Variants in LRP1B observed in about 807,000 individuals in gnomAD.
LRP1B encodes low-density lipoprotein receptor-related protein 1B.
A neutral mutation model predicts 556.6 loss-of-function variants in LRP1B; 217 were observed. The ratio of observed to expected loss-of-function variants is 0.39; its 90% CI spans 0.35 to 0.44. The LOEUF (loss-of-function observed/expected upper bound fraction) is 0.44. Among genes scored for constraint, LRP1B ranks in the 20% least tolerant of loss-of-function variants. The probability of loss-of-function intolerance (pLI) is 1.00; values close to 1 mark genes in which losing one functional copy is unlikely to be tolerated. For synonymous variants in LRP1B, 2,047 were observed against 1,865.8 expected (o/e 1.10, Z -2.50); for missense variants, 5,053 against 5,620.8 (o/e 0.90, Z 3.23).
At chr2:141,082,467 C>G (rs960039853) in intron 7 of LRP1B, among the ~76,000 whole-genome samples, 1 of 152,210 alleles carries the variant, frequency 6.6e-6, no homozygotes, top group Non-Finnish European at 1.5e-5. Context: ...GAATACATGA[C>G]TCTCTGAGGA....
intron 43 of LRP1B, among the ~76,000 whole-genome samples, chr2:140,589,329 CAT>C (rs1682122317): frequency 6.6e-6 from 1 of 151,990 alleles, no homozygotes; most frequent in South Asian, 2.1e-4. Context: ...ATAAATAACT[CAT>C]AAACTGTAAG....
chr2:141,130,077 T>C (rs1331449746), intron 7 of LRP1B, among the ~76,000 whole-genome samples: 2 of 151,974 alleles, frequency 1.3e-5, no homozygotes, highest in Non-Finnish European at 2.9e-5. Flanking sequence ...AATGTTGGCA[T>C]GGGAGAGGTT....
intron 18 of LRP1B, among the ~76,000 whole-genome samples, chr2:140,966,015 A>G (rs1175237009): frequency 6.6e-6 from 1 of 152,116 alleles, no homozygotes; most frequent in African/African-American, 2.4e-5. Context: ...ACAATAAACT[A>G]TGTGTGCATG....
chr2:141,553,834 A>G (rs1376559874), intron 2 of LRP1B, among the ~76,000 whole-genome samples: 1 of 137,766 alleles, frequency 7.3e-6, no homozygotes, highest in African/African-American at 2.6e-5. Context: ...TAGGTATATA[A>G]TATATCTATA....
chr2:141,076,967 C>T (rs1008046330), intron 7 of LRP1B, among the ~76,000 whole-genome samples: 9 of 152,168 alleles, frequency 5.9e-5, no homozygotes, highest in African/African-American at 2.2e-4. Context: ...GTAGGCTAGG[C>T]TGGGTGTGGT....
intron 1 of LRP1B, among the ~76,000 whole-genome samples, chr2:142,120,967 T>G (rs77049275): frequency 0.043 from 6,566 of 152,260 alleles, 226 homozygotes; most frequent in Non-Finnish European, 0.058. Context: ...TAAAAGGCAC[T>G]GCAAAATGGA....
chr2:142,063,010 A>G (rs1704978902), intron 1 of LRP1B, among the ~76,000 whole-genome samples: 1 of 150,264 alleles, frequency 6.7e-6, no homozygotes. Flanking sequence ...TTCAATAAAT[A>G]TTAGAAAGTA....
At chr2:141,265,906 A>G (rs1047519703) in intron 3 of LRP1B, among the ~76,000 whole-genome samples, 4 of 152,202 alleles carry the variant, frequency 2.6e-5, no homozygotes, top group Non-Finnish European at 5.9e-5. Context: ...CTGAGAAGTG[A>G]CTATCCAGCC....
At chr2:141,023,262 C>A (rs765095664) in intron 11 of LRP1B, among the ~76,000 whole-genome samples, 1 of 151,840 alleles carries the variant, frequency 6.6e-6, no homozygotes, top group Non-Finnish European at 1.5e-5. Context: ...GTGCATTAAA[C>A]ACCCACACAC....
rs1016436313 is a variant in LRP1B, at chr2:140,485,631, G to T, written c.9244-107C>A. ...ATATAGAATTCCATTTAAATGTAAAGAATGGAACTTAGATAAGAAGAGAAT... is the reference window on the plus strand; with the variant it reads ...ATATAGAATTCCATTTAAATGTAAATAATGGAACTTAGATAAGAAGAGAAT... On this transcript the variant is annotated intron_variant, in intron 58 of 90. Transcript: ENST00000389484. 9.3e-6 allele frequency: 7 copies of T among 749,730 alleles called. No homozygotes were observed. In the East Asian group the frequency reaches 1.7e-4, roughly 18 times the overall value. 46.4% of individuals were successfully genotyped at this position (749,730 alleles called of 1,614,324 possible).
chr2:140,336,596 A>C (rs2105088806), intron 77 of LRP1B, among the ~76,000 whole-genome samples: 1 of 152,108 alleles, frequency 6.6e-6, no homozygotes, highest in African/African-American at 2.4e-5. Flanking sequence ...TTTGTTCTAC[A>C]ATTGAAAAAA....
chr2:141,771,946 G>T (rs1158551374), intron 2 of LRP1B, among the ~76,000 whole-genome samples: 1 of 152,086 alleles, frequency 6.6e-6, no homozygotes, highest in Admixed American at 6.6e-5. Flanking sequence ...AGCCTCCCGA[G>T]TAGCTGGGAT....
chr2:140,385,182 C>A (rs956465366), intron 67 of LRP1B, among the ~76,000 whole-genome samples: 2 of 152,020 alleles, frequency 1.3e-5, no homozygotes, highest in Admixed American at 1.3e-4. Context: ...GAGATCAAGG[C>A]GGCAGTGAGT....
chr2:140,813,937 G>A, intron 31 of LRP1B, 131 bp from the exon 32 acceptor site: 2 of 646,764 alleles, frequency 3.1e-6, no homozygotes, highest in Non-Finnish European at 5.3e-6. Flanking sequence ...ATAAGATCTG[G>A]CTAATAGGGA....
chr2:140,951,876 T>C lies in LRP1B; in HGVS notation c.2952A>G (p.Lys984=). The change falls in exon 19 of 91, where the codon AAA becomes AAG. Residue 984 remains lysine (K), a synonymous_variant. Transcript: ENST00000389484. The stretch of plus-strand genomic sequence containing the variant: ...GGTACTTGCCAGAGTCGCAGTGCCA[T>C]TTGCTGCTAATGCATCTTCCACTTT... ...VCKSGRCISS[K]WHCDSDDDCG... 2 of 1,613,836 alleles carry C rather than the reference T, an allele frequency of 1.2e-6. No homozygotes were observed. The highest frequency in any genetic ancestry group is 1.6e-4 in the Middle Eastern group (1 of 6,062).
intron 7 of LRP1B, among the ~76,000 whole-genome samples, chr2:141,175,471 C>A (rs1680694019): frequency 6.6e-6 from 1 of 152,128 alleles, no homozygotes; most frequent in African/African-American, 2.4e-5. Flanking sequence ...AAGTTCACAT[C>A]ATTGCATCAG....
At chr2:141,291,112 T>C (rs968089178) in intron 3 of LRP1B, among the ~76,000 whole-genome samples, 3 of 152,194 alleles carry the variant, frequency 2.0e-5, no homozygotes, top group Non-Finnish European at 4.4e-5. Flanking sequence ...TTGATAGGTT[T>C]ATAAACAACT....
intron 2 of LRP1B, among the ~76,000 whole-genome samples, chr2:141,511,313 AC>A (rs1684123768): frequency 6.6e-6 from 1 of 152,130 alleles, no homozygotes; most frequent in Non-Finnish European, 1.5e-5. Context: ...ATGAGCACAA[AC>A]ACCTGGCTTA....
chr2:141,397,349 C>T (rs534020986), intron 3 of LRP1B, among the ~76,000 whole-genome samples: 1 of 151,520 alleles, frequency 6.6e-6, no homozygotes. Context: ...TATTTCATTA[C>T]CTATATTTCC....
Sources: allele counts gnomAD v4.1 joint callset (sites outside exome capture counted in the v4.1 genomes callset), GRCh38; gene constraint gnomAD v4.1.1; transcripts MANE v1.5; gene names NCBI Gene and HGNC (gene_info 2026-07-23, HGNC 2026-07-21).